Variants in CSMD1 observed in about 807,000 individuals in gnomAD.
CSMD1 encodes CUB and Sushi multiple domains 1.
CSMD1 carries 213 observed loss-of-function variants against 417.5 expected under a neutral mutation model. The observed-to-expected ratio is 0.51, with a 90% confidence interval of 0.46 to 0.57. CSMD1 has a LOEUF of 0.57. CSMD1 is among the 20% of genes least tolerant of loss of function. The pLI is 0.00. For missense variants in CSMD1, 6,923 were observed against 4,529.7 expected (o/e 1.53, Z -15.17); for synonymous variants, 2,862 against 1,736.8 (o/e 1.65, Z -16.11).
At chr8:3,978,854 G>A (rs74768764) in intron 5 of CSMD1, among the ~76,000 whole-genome samples, 3,456 of 152,094 alleles carry the variant, frequency 0.023, 104 homozygotes, top group African/African-American at 0.067. Context: ...CCTTCCCAGC[G>A]CTCCCATTAG....
chr8:4,986,224 C>A (rs1338002343), intron 1 of CSMD1, among the ~76,000 whole-genome samples: 1 of 152,062 alleles, frequency 6.6e-6, no homozygotes, highest in Non-Finnish European at 1.5e-5. Context: ...TTACTCAGAG[C>A]GCCGCCAGGA....
intron 25 of CSMD1, among the ~76,000 whole-genome samples, chr8:3,285,931 C>G (rs990359007): frequency 5.9e-5 from 9 of 152,014 alleles, no homozygotes; most frequent in Non-Finnish European, 1.3e-4. Flanking sequence ...CTGCTGCACC[C>G]ATTAACTCAC....
At chr8:3,547,301 T>A (rs1460107200) in intron 10 of CSMD1, among the ~76,000 whole-genome samples, 2 of 152,184 alleles carry the variant, frequency 1.3e-5, no homozygotes, top group African/African-American at 4.8e-5. Flanking sequence ...GAAAATGAAA[T>A]GAATGTGTGC....
chr8:4,950,574 G>A (rs1030232102), intron 1 of CSMD1, among the ~76,000 whole-genome samples: 1 of 152,066 alleles, frequency 6.6e-6, no homozygotes, highest in Admixed American at 6.6e-5. Context: ...TATAAATTTA[G>A]TTTCTATGTA....
chr8:4,390,316 T>C (rs942568344), intron 3 of CSMD1, among the ~76,000 whole-genome samples: 22 of 151,992 alleles, frequency 1.4e-4, no homozygotes, highest in Admixed American at 6.6e-4. Flanking sequence ...TTGAAGTTAA[T>C]TGGGAAAAGA....
At chr8:3,167,730 C>T (rs888823003) in intron 37 of CSMD1, among the ~76,000 whole-genome samples, 1 of 152,160 alleles carries the variant, frequency 6.6e-6, no homozygotes, top group Non-Finnish European at 1.5e-5. Flanking sequence ...CCTAATTTGA[C>T]CAAAAACACT....
At chr8:3,068,794 C>T (rs1388875665) in intron 49 of CSMD1, among the ~76,000 whole-genome samples, 4 of 152,104 alleles carry the variant, frequency 2.6e-5, no homozygotes, top group Non-Finnish European at 1.5e-5. Context: ...GGGATCCACC[C>T]CCATGATCCA....
At chr8:4,710,289 A>G (rs1231195137) in intron 1 of CSMD1, among the ~76,000 whole-genome samples, 3 of 151,752 alleles carry the variant, frequency 2.0e-5, no homozygotes, top group African/African-American at 7.2e-5. Context: ...TGTTAAATAT[A>G]TAATGTATAT....
At chr8:4,750,671 C>G (rs1811259315) in intron 1 of CSMD1, among the ~76,000 whole-genome samples, 1 of 150,608 alleles carries the variant, frequency 6.6e-6, no homozygotes, top group Admixed American at 6.6e-5. Flanking sequence ...TAGTTTATTA[C>G]AAATTCATTG....
chr8:4,205,629 C>T (rs1471225154), intron 3 of CSMD1, among the ~76,000 whole-genome samples: 2 of 152,162 alleles, frequency 1.3e-5, no homozygotes, highest in Non-Finnish European at 2.9e-5. Context: ...AGGAGCCACA[C>T]AGAGTGAGAA....
At chr8:4,469,213 CAAGACCTAAGGAAAGGAAAGCTCATAA>C (rs373087101) in intron 2 of CSMD1, among the ~76,000 whole-genome samples, 45 of 152,232 alleles carry the variant, frequency 3.0e-4, no homozygotes, top group African/African-American at 1.1e-3. Flanking sequence ...TCTCCAAGGC[CAAGACCTAAGGAAAGGAAAGCTCATAA>C]AAGGAGCTCA....
At chr8:3,293,690 G>C (rs1466977044) in intron 25 of CSMD1, among the ~76,000 whole-genome samples, 1 of 152,106 alleles carries the variant, frequency 6.6e-6, no homozygotes, top group African/African-American at 2.4e-5. Flanking sequence ...GGTCCTTTAA[G>C]GACTTCTGTG....
At chr8:3,967,166 G>A (rs765594026) in intron 5 of CSMD1, among the ~76,000 whole-genome samples, 1 of 151,254 alleles carries the variant, frequency 6.6e-6, no homozygotes, top group South Asian at 2.1e-4. Flanking sequence ...AAATGTTTAT[G>A]TATTCCTTTT....
At chr8:3,828,625 C>G (rs1185101951) in intron 5 of CSMD1, among the ~76,000 whole-genome samples, 6 of 152,068 alleles carry the variant, frequency 3.9e-5, no homozygotes, top group African/African-American at 1.4e-4. Context: ...TGTCCCAATC[C>G]CAGTCATCGT....
intron 3 of CSMD1, among the ~76,000 whole-genome samples, chr8:4,160,438 G>A (rs111808757): frequency 5.3e-5 from 8 of 152,200 alleles, no homozygotes; most frequent in Non-Finnish European, 1.0e-4. Context: ...CCAGAATAAA[G>A]AATATATTTC....
chr8:4,276,770 A>C (rs960473936), intron 3 of CSMD1, among the ~76,000 whole-genome samples: 1 of 152,086 alleles, frequency 6.6e-6, no homozygotes, highest in Non-Finnish European at 1.5e-5. Flanking sequence ...TAGAAGGAAA[A>C]CCCTCAGGGG....
chr8:4,733,361 T>C (rs1467001579), intron 1 of CSMD1, among the ~76,000 whole-genome samples: 1 of 152,214 alleles, frequency 6.6e-6, no homozygotes, highest in East Asian at 1.9e-4. Context: ...CAAGAGCCTT[T>C]TACCCTAGCA....
intron 3 of CSMD1, among the ~76,000 whole-genome samples, chr8:4,096,919 G>C (rs745801534): frequency 6.6e-6 from 1 of 152,166 alleles, no homozygotes; most frequent in Non-Finnish European, 1.5e-5. Context: ...ATACATAATT[G>C]CAGAGCAAAC....
chr8:3,477,991 A>C (rs893851140), intron 11 of CSMD1, among the ~76,000 whole-genome samples: 1 of 152,240 alleles, frequency 6.6e-6, no homozygotes, highest in Non-Finnish European at 1.5e-5. Flanking sequence ...CATATTATTA[A>C]ATACAATGTT....
Sources: allele counts gnomAD v4.1 joint callset (sites outside exome capture counted in the v4.1 genomes callset), GRCh38; gene constraint gnomAD v4.1.1; transcripts MANE v1.5; gene names NCBI Gene and HGNC (gene_info 2026-07-23, HGNC 2026-07-21).